The following TMEM62 variants were observed in gnomAD, a reference collection of about 807,000 sequenced individuals.
TMEM62 encodes the protein transmembrane protein 62.
In TMEM62, 41 loss-of-function variants were observed where a neutral mutation model predicts 70.4. That is an observed-to-expected ratio of 0.58 (90% CI 0.45 to 0.76). TMEM62 has a LOEUF of 0.76. TMEM62 is among the 30% of genes least tolerant of loss of function. The pLI, the probability that TMEM62 is intolerant of heterozygous loss-of-function variation, is 0.00. For synonymous variants in TMEM62, 268 were observed against 291.0 expected (o/e 0.92, Z 0.80); for missense variants, 688 against 788.5 (o/e 0.87, Z 1.53).
chr15:43,150,100 G>A (rs1828970491), intron 7 of TMEM62, among the ~76,000 whole-genome samples: 1 of 152,146 alleles, frequency 6.6e-6, no homozygotes, highest in Non-Finnish European at 1.5e-5. Flanking sequence ...AAGGTTTGTT[G>A]AGCTGAATAT....
intron 4 of TMEM62, among the ~76,000 whole-genome samples, chr15:43,140,254 C>G (rs558485480): frequency 6.6e-6 from 1 of 152,300 alleles, no homozygotes; most frequent in Admixed American, 6.5e-5. Flanking sequence ...CTGTAACTGT[C>G]TTCCTATTAT....
intron 13 of TMEM62, chr15:43,184,015 C>G: frequency 1.8e-6 from 1 of 561,754 alleles, no homozygotes; most frequent in Non-Finnish European, 3.2e-6. Context: ...GTATATGATA[C>G]TGTACTACAA....
At chr15:43,146,759 G>A (rs2036721715) in intron 5 of TMEM62, 125 bp downstream of exon 5, 1 of 910,500 alleles carries the variant, frequency 1.1e-6, no homozygotes, top group Non-Finnish European at 1.6e-6. Flanking sequence ...ATTTAACTTG[G>A]TTACAGGTAT....
chr15:43,160,914 G>A, intron 10 of TMEM62, 120 bp downstream of exon 10: 1 of 452,566 alleles, frequency 2.2e-6, no homozygotes, highest in Non-Finnish European at 3.8e-6. Flanking sequence ...GTCATCCATG[G>A]TCTGAAAATA....
At position 43,145,484 on chromosome 15, in the gene TMEM62, C is replaced by T. The variant is rs562991953; in HGVS notation, c.477-1009C>T. Among the ~76,000 whole-genome samples, 6 of 152,118 alleles carry T rather than the reference C, an allele frequency of 3.9e-5. 1 individual carries two copies. Among genetic ancestry groups the T allele is most frequent in the African/African-American group, 1.2e-4 (5 of 41,534 alleles). Reference sequence around the variant, plus strand: ...CCTTCCAAAGTGCTGGGATTACAGGCGGGAGCCACCGCGCCTGGCCCTGAA... The same window carrying T: ...CCTTCCAAAGTGCTGGGATTACAGGTGGGAGCCACCGCGCCTGGCCCTGAA... On this transcript the variant is annotated intron_variant, in intron 4 of 13. Transcript: ENST00000260403.
intron 11 of TMEM62, among the ~76,000 whole-genome samples, chr15:43,173,963 A>C (rs1316349347): frequency 1.3e-5 from 2 of 151,028 alleles, no homozygotes; most frequent in African/African-American, 2.4e-5. Context: ...GTTCTCAAGC[A>C]ATTCTCTTGC....
chr15:43,133,820 T>A lies in TMEM62; in HGVS notation c.18T>A (p.Ala6=), dbSNP rs757599149. The A allele has an allele frequency of 1.3e-5, 19 of 1,445,838 alleles. No homozygotes were observed. In the South Asian group the frequency reaches 2.6e-4, roughly 20 times the overall value. 89.6% of individuals were successfully genotyped at this position (1,445,838 alleles called of 1,614,324 possible). ...CGGGCGGCATGGCTGCAGTGCTGGCTCTCAGGGTGGTCGCGGGGTTGGCGG... is the reference window on the plus strand; with the variant it reads ...CGGGCGGCATGGCTGCAGTGCTGGCACTCAGGGTGGTCGCGGGGTTGGCGG... MAAVL[A]LRVVAGLAAA... The change falls in exon 1 of 14, where the codon GCT becomes GCA. Residue 6 remains alanine (A), a synonymous_variant. Transcript: ENST00000260403.
intron 10 of TMEM62, among the ~76,000 whole-genome samples, chr15:43,165,528 T>TA (rs2039293975): frequency 6.6e-6 from 1 of 152,030 alleles, no homozygotes. Context: ...GGTCGGGAGA[T>TA]AGAGAACATC....
intron 10 of TMEM62, among the ~76,000 whole-genome samples, chr15:43,167,031 G>A (rs1378584667): frequency 4.6e-5 from 7 of 152,206 alleles, no homozygotes; most frequent in African/African-American, 1.4e-4. Context: ...ATCATGGCCC[G>A]TTCTCAATGA....
intron 1 of TMEM62, 84 bp from the exon 2 acceptor site, chr15:43,134,173 T>C (rs2034836084): frequency 6.6e-7 from 1 of 1,511,602 alleles, no homozygotes; most frequent in East Asian, 2.3e-5. Context: ...CTTTTCCTTC[T>C]GCCCGAGAGA....
At chr15:43,172,355 A>G (rs1319155237) in intron 11 of TMEM62, among the ~76,000 whole-genome samples, 1 of 152,236 alleles carries the variant, frequency 6.6e-6, no homozygotes, top group East Asian at 1.9e-4. Flanking sequence ...GATATTAGAT[A>G]GAGTTAGTCA....
intron 10 of TMEM62, among the ~76,000 whole-genome samples, chr15:43,168,105 G>A (rs2039750597): frequency 6.8e-6 from 1 of 148,076 alleles, no homozygotes; most frequent in East Asian, 2.1e-4. Context: ...GCATCAGAGG[G>A]AGACTGTGGA....
chr15:43,171,543 T>G (rs1191513175), intron 11 of TMEM62, among the ~76,000 whole-genome samples: 1 of 151,986 alleles, frequency 6.6e-6, no homozygotes, highest in African/African-American at 2.4e-5. Flanking sequence ...TACTTAAAAT[T>G]TTTTTATTCC....
In TMEM62 at chr15:43,154,786, T is replaced by C; in HGVS notation, c.1137T>C (p.Pro379=). 6.2e-7 allele frequency: 1 copy of C among 1,613,870 alleles called. No individual in the cohort carries two copies. The highest frequency in any genetic ancestry group is 8.5e-7 in the Non-Finnish European group (1 of 1,179,864). Residue 379 remains proline (P), a synonymous_variant, in exon 9 of 14, where the codon CCT becomes CCC. Coordinates refer to ENST00000260403, the MANE Select transcript of TMEM62 (RefSeq NM_024956.4). Reference sequence around the variant, plus strand: ...CCATTTTCGTACTGAAGTGGAATCCTAGAAACTACAGTAGTGGGACACATA... The same window carrying C: ...CCATTTTCGTACTGAAGTGGAATCCCAGAAACTACAGTAGTGGGACACATA... ...SGPIFVLKWN[P]RNYSSGTHNI...
intron 3 of TMEM62, 124 bp from the exon 4 acceptor site, chr15:43,138,450 C>A: frequency 1.3e-6 from 1 of 767,432 alleles, no homozygotes; most frequent in Non-Finnish European, 2.1e-6. Context: ...AACGGCTCTA[C>A]CCTGGGGGTG....
At chr15:43,156,109 C>A (rs2038018357) in intron 9 of TMEM62, among the ~76,000 whole-genome samples, 1 of 152,104 alleles carries the variant, frequency 6.6e-6, no homozygotes, top group Non-Finnish European at 1.5e-5. Flanking sequence ...ACTATTTAAT[C>A]TTCTAATATT....
rs2141619332 is a variant in TMEM62 at position 43,146,584 on chromosome 15, G to A, written c.568G>A (p.Val190Ile). The A allele has an allele frequency of 6.2e-7, 1 of 1,613,704 alleles. No individual in the cohort carries two copies. Among genetic ancestry groups the A allele is most frequent in the Non-Finnish European group, 8.5e-7 (1 of 1,179,784 alleles). The change falls in exon 5 of 14, where the codon GTA becomes ATA. Residue 190 changes from valine (V) to isoleucine (I), a missense_variant. Coordinates refer to ENST00000260403, the MANE Select transcript of TMEM62 (RefSeq NM_024956.4). ...NYSFICVDAT[V>I]NPGPKRPYNF... ...TTCGTTCATCTGTGTAGATGCCACT[G>A]TAAATCCAGGGCCTAAGAGACCCTA...
chr15:43,181,839 GA>G (rs560535623), intron 13 of TMEM62, among the ~76,000 whole-genome samples: 21 of 152,204 alleles, frequency 1.4e-4, no homozygotes, highest in Non-Finnish European at 2.6e-4. Flanking sequence ...TATAAGAGGT[GA>G]AAGAAGTTTT....
chr15:43,139,206 A>G (rs1345340021), intron 4 of TMEM62, among the ~76,000 whole-genome samples: 2 of 152,138 alleles, frequency 1.3e-5, no homozygotes, highest in Non-Finnish European at 2.9e-5. Flanking sequence ...CTTTGATGTT[A>G]CTATTGTAAT....
Sources: allele counts gnomAD v4.1 joint callset (sites outside exome capture counted in the v4.1 genomes callset), GRCh38; gene constraint gnomAD v4.1.1; transcripts MANE v1.5; gene names NCBI Gene and HGNC (gene_info 2026-07-23, HGNC 2026-07-21).